HSP90B1: variants seen among roughly 807,000 people sequenced by gnomAD.
HSP90B1 encodes the protein heat shock protein 90 beta family member 1.
A neutral mutation model predicts 100.4 loss-of-function variants in HSP90B1; 27 were observed. That is an observed-to-expected ratio of 0.27 (90% confidence interval 0.20 to 0.37). The LOEUF is 0.37. HSP90B1 is among the 10% of genes least tolerant of loss of function. HSP90B1 has a pLI of 1.00. For synonymous variants in HSP90B1, 304 were observed against 330.8 expected, an observed-to-expected ratio of 0.92 and a Z score of 0.88; for missense variants, 678 against 960.5, an observed-to-expected ratio of 0.71 and a Z score of 3.89.
chr12:103,931,966 C>T, intron 2 of HSP90B1: 10 of 449,052 alleles, frequency 2.2e-5, no homozygotes, highest in South Asian at 2.2e-4. Context: ...AATTTGGCCT[C>T]TTGGGACTTA....
chr12:103,945,728 C>T (rs1417165373), intron 14 of HSP90B1, among the ~76,000 whole-genome samples: 5 of 152,044 alleles, frequency 3.3e-5, no homozygotes, highest in Non-Finnish European at 7.4e-5. Context: ...TAAAATAGTT[C>T]CCTTCATTTC....
intron 2 of HSP90B1, chr12:103,931,866 G>GAAGA: frequency 1.9e-6 from 1 of 530,428 alleles, no homozygotes; most frequent in Non-Finnish European, 3.5e-6. Flanking sequence ...AGACTTTATA[G>GAAGA]AAGATACTTT....
chr12:103,943,315 A>C lies in HSP90B1; in HGVS notation c.1886A>C (p.Asp629Ala), dbSNP rs114330942. 2.5e-4 allele frequency: 401 copies of C among 1,613,938 alleles called. 2 individuals are homozygous for C. The African/African-American group carries it at 5.0e-3, about 20-fold the overall frequency. ...LNWMKDKALKDKIEKAVVSQR... is the reference protein window; with the variant it reads ...LNWMKDKALKAKIEKAVVSQR... ...TGGATGAAAGATAAAGCCCTTAAGG[A>C]CAAGGTACTGTGGAAATTACAAATT... Residue 629 changes from aspartate (D) to alanine (A), a missense_variant, in exon 13 of 18, where the codon GAC becomes GCC. Coordinates refer to ENST00000299767, the MANE Select transcript of HSP90B1 (RefSeq NM_003299.3). This position sits in a 1 kb window ranked among gnomAD's most constrained non-coding sequence, Gnocchi z 5.3.
chr12:103,940,508 G>T (rs1870045456), intron 8 of HSP90B1, among the ~76,000 whole-genome samples: 1 of 152,124 alleles, frequency 6.6e-6, no homozygotes, highest in Non-Finnish European at 1.5e-5. Flanking sequence ...TTCTGTGTCT[G>T]TATTTGTTCT....
rs748998107 is a variant in HSP90B1 at position 103,942,548 on chromosome 12, C to T, written c.1396C>T (p.Arg466Cys). The T allele has an allele frequency of 2.5e-6, 4 of 1,613,602 alleles. No homozygotes were observed. Among genetic ancestry groups the T allele is most frequent in the South Asian group, 1.1e-5 (1 of 91,026 alleles). ...LLKVIRKKLV[R>C]KTLDMIKKIA... ...TTAGGTGATTAGGAAGAAGCTTGTT[C>T]GTAAAACGCTGGACATGATCAAGAA... The change falls in exon 12 of 18, where the codon CGT becomes TGT. Residue 466 changes from arginine (R) to cysteine (C), a missense_variant. Transcript: ENST00000299767.
chr12:103,935,546 A>G (rs983281651), intron 5 of HSP90B1, among the ~76,000 whole-genome samples: 3 of 152,234 alleles, frequency 2.0e-5, no homozygotes, highest in East Asian at 3.8e-4. Context: ...CCTAGAAAGT[A>G]ACATTTCCTG....
Position 103,947,824 on chromosome 12 carries a change from A to AT in HSP90B1, c.*170dup, listed in dbSNP as rs545777688. The AT allele has an allele frequency of 1.5e-3, 1,034 of 678,336 alleles. 6 individuals carry two copies. The highest frequency in any genetic ancestry group is 1.0e-3 in the Non-Finnish European group (390 of 371,574). 42.0% of individuals were successfully genotyped at this position (678,336 alleles called of 1,614,324 possible). On this transcript the variant is annotated 3_prime_UTR_variant, in exon 18 of 18. Transcript: ENST00000299767. ...AGGAAAAAGTGGGTTTTTTAGTTGA[A>AT]TTTTTTTTAACATTCCTCATGAATG...
chr12:103,946,936 GCAA>G lies in HSP90B1; in HGVS notation c.2258_2260del (p.Ala753_Lys754delinsGlu). The stretch of plus-strand genomic sequence containing the variant: ...CCTCAGTTTGAACATTGACCCTGAT[GCAA>G]AGGTTTGTATCCCCAACCTTCCCGC... On this transcript the variant is annotated inframe_deletion and splice_region_variant, in exon 16 of 18. Transcript: ENST00000299767. The G allele has an allele frequency of 6.2e-7, 1 of 1,612,130 alleles. No individual in the cohort carries two copies. The highest frequency in any genetic ancestry group is 8.5e-7 in the Non-Finnish European group (1 of 1,179,460).
rs1870108988 is a variant in HSP90B1, at chr12:103,942,547, T to G, written c.1395T>G (p.Val465=). Residue 465 remains valine, a synonymous_variant, in exon 12 of 18, where the codon GTT becomes GTG. Transcript: ENST00000299767. ...TTTAGGTGATTAGGAAGAAGCTTGT[T>G]CGTAAAACGCTGGACATGATCAAGA... ...KLLKVIRKKL[V]RKTLDMIKKI... is the part of the protein sequence containing the mutation. 1 of 1,613,758 alleles carries G rather than the reference T, an allele frequency of 6.2e-7. No individual in the cohort carries two copies.
chr12:103,937,587 A>G, intron 5 of HSP90B1, 108 bp from the exon 6 acceptor site: 1 of 656,852 alleles, frequency 1.5e-6, no homozygotes, highest in Non-Finnish European at 2.8e-6. Flanking sequence ...AATAATTAGG[A>G]CATCTTGGAT....
At chr12:103,941,328 T>G (rs1402799666) in intron 8 of HSP90B1, 82 bp from the exon 9 acceptor site, 4 of 1,407,670 alleles carry the variant, frequency 2.8e-6, no homozygotes, top group Non-Finnish European at 3.9e-6. Context: ...AAACTGAATA[T>G]GTACCACATA....
chr12:103,931,571 G>T lies in HSP90B1; in HGVS notation c.100G>T (p.Asp34Tyr), dbSNP rs201068970. Residue 34 changes from aspartate (D) to tyrosine (Y), a missense_variant, in exon 2 of 18, where the codon GAT becomes TAT. Asp to Tyr is a radical substitution (Grantham distance 160). Transcript: ENST00000299767. ...TGATGTGGATGGTACAGTAGAAGAG[G>T]ATCTGGGTAAAAGTAGAGAAGGATC... The part of the protein sequence containing the change: ...EVDVDGTVEE[D>Y]LGKSREGSRT... 1 of 1,613,872 alleles carries T rather than the reference G, an allele frequency of 6.2e-7. No individual in the cohort carries two copies. The highest frequency in any genetic ancestry group is 8.5e-7 in the Non-Finnish European group (1 of 1,179,786).
intron 17 of HSP90B1, 46 bp from the exon 18 acceptor site, chr12:103,947,587 T>C (rs372551545): frequency 4.2e-5 from 65 of 1,554,078 alleles, no homozygotes; most frequent in Admixed American, 1.7e-4. Context: ...AGGTTTTTTT[T>C]CTGCTAACTT....
In HSP90B1 at chr12:103,943,443, TG is replaced by T; in HGVS notation, c.1890+125del. 8 of 848,526 alleles carry T rather than the reference TG, an allele frequency of 9.4e-6. No individual in the cohort carries two copies. The highest frequency in any genetic ancestry group is 1.4e-5 in the Non-Finnish European group (8 of 566,268). 52.6% of individuals were successfully genotyped at this position (848,526 alleles called of 1,614,324 possible). Reference sequence around the variant, plus strand: ...ATTAGAATGGTAAAAATTTAATTAATGTAATTAAATTATTGGGAGAAAGCTT... The same window carrying T: ...ATTAGAATGGTAAAAATTTAATTAATTAATTAAATTATTGGGAGAAAGCTT... On this transcript the variant is annotated intron_variant, in intron 13 of 17. Coordinates refer to ENST00000299767, the MANE Select transcript of HSP90B1 (RefSeq NM_003299.3). This position sits in a 1 kb window ranked among gnomAD's most constrained non-coding sequence, Gnocchi z 5.3.
Position 103,943,716 on chromosome 12 carries a change from T to C in HSP90B1, c.1891-22T>C. 2 of 1,606,626 alleles carry C rather than the reference T, an allele frequency of 1.2e-6. No individual in the cohort carries two copies. Among genetic ancestry groups the C allele is most frequent in the Non-Finnish European group, 1.7e-6 (2 of 1,176,454 alleles). ...CCTTACCTGTTGATATTAATTTATA[T>C]GACTTGATTTCTTTCCCTAAGATTG... On this transcript the variant is annotated intron_variant, in intron 13 of 17. Transcript: ENST00000299767. This position sits in a 1 kb window ranked among gnomAD's most constrained non-coding sequence, Gnocchi z 5.3.
intron 5 of HSP90B1, among the ~76,000 whole-genome samples, chr12:103,935,657 T>C (rs553640091): frequency 6.6e-6 from 1 of 152,332 alleles, no homozygotes; most frequent in East Asian, 1.9e-4. Flanking sequence ...CCTGCCTTCG[T>C]CACTAACATT....
At chr12:103,944,308 A>G (rs1032593946) in intron 14 of HSP90B1, among the ~76,000 whole-genome samples, 1 of 152,160 alleles carries the variant, frequency 6.6e-6, no homozygotes, top group Non-Finnish European at 1.5e-5. Context: ...AATGTCTCAT[A>G]AAGTAGACGG....
intron 8 of HSP90B1, among the ~76,000 whole-genome samples, chr12:103,940,809 CCT>C (rs1406293772): frequency 6.6e-6 from 1 of 152,120 alleles, no homozygotes; most frequent in Non-Finnish European, 1.5e-5. Flanking sequence ...CATTTTATAT[CCT>C]TTTTAAAATT....
rs1255281251 is a variant in HSP90B1 at position 103,939,575 on chromosome 12, AAAG to A, written c.1046_1048del (p.Glu349del). ...CAAACCAATATGGCAGAGACCATCA[AAAG>A]AAGTAGAAGAAGATGAATACAAAGC... On this transcript the variant is annotated inframe_deletion, in exon 8 of 18. Coordinates refer to ENST00000299767, the MANE Select transcript of HSP90B1 (RefSeq NM_003299.3). 4 of 1,587,402 alleles carry A rather than the reference AAAG, an allele frequency of 2.5e-6. No individual in the cohort carries two copies. Among genetic ancestry groups the A allele is most frequent in the Admixed American group, 3.6e-5 (2 of 55,130 alleles).
Sources: allele counts gnomAD v4.1 joint callset (sites outside exome capture counted in the v4.1 genomes callset), GRCh38; gene constraint gnomAD v4.1.1; non-coding constraint Gnocchi (gnomAD v3.1); transcripts MANE v1.5; gene names NCBI Gene and HGNC (gene_info 2026-07-23, HGNC 2026-07-21).